The following KIF16B variants were observed in gnomAD, a reference collection of about 807,000 sequenced individuals.
KIF16B encodes kinesin family member 16B.
In KIF16B, 98 loss-of-function variants were observed where a neutral mutation model predicts 156.3. That is an observed-to-expected ratio of 0.63 (90% CI 0.53 to 0.74). KIF16B has a LOEUF of 0.74. KIF16B is among the 30% of genes least tolerant of loss of function. The pLI, the probability that KIF16B is intolerant of heterozygous loss-of-function variation, is 0.00. For synonymous variants in KIF16B, 564 were observed against 583.7 expected (o/e 0.97, Z 0.49); for missense variants, 1,421 against 1,606.5 (o/e 0.88, Z 1.97).
chr20:16,512,912 G>T lies in KIF16B; in HGVS notation c.360C>A (p.Gly120=). Residue 120 remains glycine (G), a synonymous_variant, in exon 5 of 26, where the codon GGC becomes GGA. Transcript: ENST00000354981. ...YTMMGNSGDS[G]LIPRICEGLF... is the part of the protein sequence containing the mutation. The stretch of plus-strand genomic sequence containing the variant: ...GTCCTTCACAGATCCGAGGTATTAA[G>T]CCAGAATCTCCCTGCATGGGAAAGA... 6.2e-7 allele frequency: 1 copy of T among 1,609,578 alleles called. No homozygotes were observed. The highest frequency in any genetic ancestry group is 8.5e-7 in the Non-Finnish European group (1 of 1,175,970).
At chr20:16,403,891 C>G (rs1195195398) in intron 17 of KIF16B, among the ~76,000 whole-genome samples, 1 of 152,122 alleles carries the variant, frequency 6.6e-6, no homozygotes, top group African/African-American at 2.4e-5. Context: ...GAACCAGTCC[C>G]CCAACTGCAG....
At chr20:16,430,598 A>C (rs6111115) in intron 12 of KIF16B, among the ~76,000 whole-genome samples, 3,154 of 152,080 alleles carry the variant, frequency 0.021, 103 homozygotes, top group African/African-American at 0.073. Flanking sequence ...ACTACCTCCA[A>C]AAAGTTCCCT....
intron 24 of KIF16B, among the ~76,000 whole-genome samples, chr20:16,330,495 G>A (rs2208057): frequency 0.72 from 109,305 of 152,112 alleles, 40,229 homozygotes; most frequent in East Asian, 0.96. Context: ...GCAATTATCA[G>A]ATTTCTTCAC....
intron 12 of KIF16B, among the ~76,000 whole-genome samples, chr20:16,460,213 G>A (rs1475334924): frequency 6.6e-6 from 1 of 152,136 alleles, no homozygotes; most frequent in African/African-American, 2.4e-5. Context: ...CAAAAATCAG[G>A]TTGGCCTAAA....
At chr20:16,543,097 T>A (rs2147242523) in intron 1 of KIF16B, among the ~76,000 whole-genome samples, 1 of 152,242 alleles carries the variant, frequency 6.6e-6, no homozygotes, top group Non-Finnish European at 1.5e-5. Context: ...GGACACTGTA[T>A]TTTAACCACC....
chr20:16,533,361 A>T (rs530473358), intron 1 of KIF16B, among the ~76,000 whole-genome samples: 61 of 152,314 alleles, frequency 4.0e-4, no homozygotes, highest in African/African-American at 1.5e-3. Flanking sequence ...CTCAGTCCCC[A>T]CCTAAAACCT....
chr20:16,451,263 C>T (rs575834333), intron 12 of KIF16B, among the ~76,000 whole-genome samples: 2 of 152,056 alleles, frequency 1.3e-5, no homozygotes, highest in African/African-American at 2.4e-5. Context: ...ACATTTATAG[C>T]AGCAAATGTA....
At chr20:16,565,533 T>C (rs1022088544) in intron 1 of KIF16B, among the ~76,000 whole-genome samples, 1 of 152,308 alleles carries the variant, frequency 6.6e-6, no homozygotes, top group East Asian at 1.9e-4. Flanking sequence ...GAAAATCAAC[T>C]TGCCCAGTCA....
At chr20:16,478,526 G>A (rs961282876) in intron 12 of KIF16B, among the ~76,000 whole-genome samples, 2 of 152,120 alleles carry the variant, frequency 1.3e-5, no homozygotes, top group African/African-American at 4.8e-5. Context: ...CAATTCAAAA[G>A]TTTAAAATTC....
intron 21 of KIF16B, among the ~76,000 whole-genome samples, chr20:16,371,090 T>TG (rs1322560452): frequency 2.6e-5 from 4 of 151,110 alleles, no homozygotes; most frequent in Non-Finnish European, 5.9e-5. Context: ...TTAGACTTTA[T>TG]AATCACTTAA....
chr20:16,448,709 C>T (rs1405996464), intron 12 of KIF16B, among the ~76,000 whole-genome samples: 3 of 152,196 alleles, frequency 2.0e-5, no homozygotes, highest in Non-Finnish European at 2.9e-5. Flanking sequence ...TAGCCCACGA[C>T]AAGAGCCAAC....
rs137926910 is a variant in KIF16B, at chr20:16,379,390, T to A, written c.2612A>T (p.Glu871Val). ...LECLKCEHDK[E>V]SRLLEKHDES... is the part of the protein sequence containing the mutation. ...ATCATGTTTTTCCAACAATCTAGATTCTTTGTCATGTTCACATTTTAAACA... is the reference window on the plus strand; with the variant it reads ...ATCATGTTTTTCCAACAATCTAGATACTTTGTCATGTTCACATTTTAAACA... Residue 871 changes from glutamate (E) to valine (V), a missense_variant, in exon 19 of 26, where the codon GAA (glutamate) becomes GTA (valine). Transcript: ENST00000354981. 275 of 1,605,246 alleles carry A rather than the reference T, an allele frequency of 1.7e-4. 1 individual carries two copies. The highest frequency in any genetic ancestry group is 2.2e-4 in the Non-Finnish European group (264 of 1,176,272).
At chr20:16,525,590 C>T (rs1333315015) in intron 3 of KIF16B, among the ~76,000 whole-genome samples, 2 of 152,210 alleles carry the variant, frequency 1.3e-5, no homozygotes, top group African/African-American at 4.8e-5. Context: ...GGACAAATTC[C>T]AGCATCATTC....
At chr20:16,530,334 A>T (rs566653248) in intron 1 of KIF16B, among the ~76,000 whole-genome samples, 1 of 152,214 alleles carries the variant, frequency 6.6e-6, no homozygotes, top group Admixed American at 6.5e-5. Flanking sequence ...ACACAAACAC[A>T]CCCAAGTGAT....
chr20:16,274,552 G>A (rs2063032677), intron 25 of KIF16B, among the ~76,000 whole-genome samples: 1 of 152,224 alleles, frequency 6.6e-6, no homozygotes, highest in Admixed American at 6.5e-5. Context: ...GTCTCAGTGT[G>A]CTTAAAAAAC....
At chr20:16,400,411 G>A (rs1435688798) in intron 17 of KIF16B, among the ~76,000 whole-genome samples, 3 of 152,156 alleles carry the variant, frequency 2.0e-5, no homozygotes, top group South Asian at 2.1e-4. Context: ...CCTGTTGGTG[G>A]GAATGCAAAA....
At chr20:16,440,526 A>AGCGC (rs201313385) in intron 12 of KIF16B, among the ~76,000 whole-genome samples, 23 of 99,472 alleles carry the variant, frequency 2.3e-4, no homozygotes, top group African/African-American at 7.0e-4. Flanking sequence ...AAAACACACA[A>AGCGC]GCGCGCGCAC....
chr20:16,362,689 C>G (rs191609025), intron 22 of KIF16B, among the ~76,000 whole-genome samples: 3 of 152,132 alleles, frequency 2.0e-5, no homozygotes, highest in African/African-American at 7.2e-5. Flanking sequence ...AATTCTCAAC[C>G]TAGTAATCCT....
intron 3 of KIF16B, among the ~76,000 whole-genome samples, chr20:16,522,406 A>G (rs1356436560): frequency 6.6e-6 from 1 of 152,230 alleles, no homozygotes; most frequent in African/African-American, 2.4e-5. Context: ...GCCAACAAAG[A>G]TCAAAAATTA....
Sources: gnomAD v4.1 joint callset for allele counts (sites outside exome capture counted in the v4.1 genomes callset) on GRCh38, gnomAD v4.1.1 for gene constraint, MANE v1.5 for transcripts, NCBI Gene and HGNC (gene_info 2026-07-23, HGNC 2026-07-21) for gene names.